Variants in ASIC2 observed in about 807,000 individuals in gnomAD.
ASIC2 encodes the protein acid sensing ion channel subunit 2.
ASIC2 carries 25 observed loss-of-function variants against 57.3 expected under a neutral mutation model. That is an observed-to-expected ratio of 0.44 (90% CI 0.32 to 0.61). The LOEUF is 0.61. Among genes scored for constraint, ASIC2 ranks in the 20% least tolerant of loss-of-function variants. The pLI is 0.06. For synonymous variants in ASIC2, 319 were observed against 307.5 expected (o/e 1.04, Z -0.39); for missense variants, 641 against 738.1 (o/e 0.87, Z 1.52).
chr17:33,422,688 CAG>C (rs1362326513), intron 1 of ASIC2, among the ~76,000 whole-genome samples: 1 of 152,186 alleles, frequency 6.6e-6, no homozygotes, highest in Non-Finnish European at 1.5e-5. Context: ...CCCTTCAACA[CAG>C]AGAGACTTAA....
chr17:34,040,267 G>A (rs1301208614), intron 1 of ASIC2, among the ~76,000 whole-genome samples: 3 of 149,626 alleles, frequency 2.0e-5, no homozygotes, highest in African/African-American at 5.0e-5. Context: ...CGGGGGTGTC[G>A]GAACCGCTGG....
intron 3 of ASIC2, among the ~76,000 whole-genome samples, chr17:33,038,725 AAC>A (rs1382680962): frequency 6.6e-6 from 1 of 152,208 alleles, no homozygotes; most frequent in Non-Finnish European, 1.5e-5. Flanking sequence ...AGCTTCTCTC[AAC>A]AGTCGCCTTC....
chr17:33,378,572 GA>G (rs1470930395), intron 1 of ASIC2, among the ~76,000 whole-genome samples: 18 of 152,240 alleles, frequency 1.2e-4, no homozygotes, highest in African/African-American at 4.3e-4. Context: ...AGTGTGGGTA[GA>G]ATTGCCTCAA....
rs1001258672 is a variant in ASIC2, at chr17:33,505,156, G to A, written c.556-393089C>T. On this transcript the variant is annotated intron_variant, in intron 1 of 9. Transcript: ENST00000359872. ...CAAGGCAGTTCAATATGGTGGGCGG[G>A]GCACGTGAGCAGTAGTCCTAGGCAG... 1.3e-5 allele frequency among the ~76,000 whole-genome samples: 2 copies of A among 151,950 alleles called. 1 individual carries two copies. Among genetic ancestry groups the A allele is most frequent in the South Asian group, 4.2e-4 (2 of 4,798 alleles).
Position 33,633,881 on chromosome 17 carries a change from T to G in ASIC2, c.556-521814A>C, listed in dbSNP as rs568357820. Among the ~76,000 whole-genome samples the G allele has an allele frequency of 3.9e-5, 6 of 152,316 alleles. No individual in the cohort carries two copies. In the East Asian group the frequency reaches 1.2e-3, roughly 29 times the overall value. On this transcript the variant is annotated intron_variant, in intron 1 of 9. Transcript: ENST00000359872. ...CTAGTGACCCTGAGACCCTGCCTCT[T>G]CATGACTCCTAAGCCCATCTTCTGT... is the stretch of plus-strand genomic sequence containing the variant.
intron 1 of ASIC2, among the ~76,000 whole-genome samples, chr17:33,324,553 C>T (rs996897812): frequency 1.3e-5 from 2 of 152,148 alleles, no homozygotes; most frequent in Non-Finnish European, 2.9e-5. Context: ...ATTCCCTAAC[C>T]TACCTAGATC....
At chr17:33,620,240 G>GAAAAAAAAA (rs35560840) in intron 1 of ASIC2, among the ~76,000 whole-genome samples, 37 of 74,824 alleles carry the variant, frequency 4.9e-4, no homozygotes, top group African/African-American at 1.2e-3. Context: ...AGAGGAAAAT[G>GAAAAAAAAA]AAAAAAAAAA....
chr17:33,803,304 A>G (rs889266145), intron 1 of ASIC2, among the ~76,000 whole-genome samples: 2 of 151,828 alleles, frequency 1.3e-5, no homozygotes, highest in African/African-American at 4.8e-5. Flanking sequence ...CTTTAAATGC[A>G]TAAGGAAGGC....
At chr17:33,357,536 G>T (rs1404213662) in intron 1 of ASIC2, among the ~76,000 whole-genome samples, 1 of 152,138 alleles carries the variant, frequency 6.6e-6, no homozygotes, top group East Asian at 1.9e-4. Context: ...CACCCAGCTA[G>T]ACCACCTTTC....
rs186447442 is a variant in ASIC2 at position 33,647,700 on chromosome 17, T to C, written c.555+508278A>G. On this transcript the variant is annotated intron_variant, in intron 1 of 9. Coordinates refer to the ASIC2 transcript ENST00000359872. ...TATCCTTCTCAGTAACTCTAAAGCC[T>C]AGAGAATGACAGACAGAGGATGGGC... Among the ~76,000 whole-genome samples, 10 of 152,320 alleles carry C rather than the reference T, an allele frequency of 6.6e-5. No homozygotes were observed. The South Asian group carries it at 1.0e-3, about 16-fold the overall frequency.
At chr17:34,043,314 T>G (rs1908210279) in intron 1 of ASIC2, among the ~76,000 whole-genome samples, 1 of 152,218 alleles carries the variant, frequency 6.6e-6, no homozygotes, top group Admixed American at 6.5e-5. Flanking sequence ...AGGTTTATTT[T>G]TTAAAGGTTA....
intron 1 of ASIC2, among the ~76,000 whole-genome samples, chr17:33,618,249 T>C (rs1337615087): frequency 6.6e-6 from 1 of 152,052 alleles, no homozygotes; most frequent in Non-Finnish European, 1.5e-5. Context: ...AGACAGAGTC[T>C]TGCTGTGTTG....
intron 1 of ASIC2, among the ~76,000 whole-genome samples, chr17:33,351,040 T>A (rs1467015122): frequency 6.6e-6 from 1 of 152,222 alleles, no homozygotes; most frequent in African/African-American, 2.4e-5. Flanking sequence ...TTCTCCTTGA[T>A]GTTCTTAGTA....
chr17:34,125,029 C>A (rs1315287547), intron 1 of ASIC2, among the ~76,000 whole-genome samples: 1 of 150,668 alleles, frequency 6.6e-6, no homozygotes, highest in Non-Finnish European at 1.5e-5. Flanking sequence ...GCTTGTAGTG[C>A]CTTTCCTTCC....
In ASIC2 at chr17:34,043,917, A is replaced by G. The variant is rs185314194; in HGVS notation, c.555+112061T>C. Among the ~76,000 whole-genome samples, 85 of 152,262 alleles carry G rather than the reference A, an allele frequency of 5.6e-4. 1 individual carries two copies. The highest frequency in any genetic ancestry group is 2.6e-3 in the Admixed American group (40 of 15,304). On this transcript the variant is annotated intron_variant, in intron 1 of 9. Coordinates refer to the ASIC2 transcript ENST00000359872. ...GTCTCCCTCCCTGGCCCAGTCATGAAAGCAAAAATGGGTCAAGTTCTAATT... is the reference window on the plus strand; with the variant it reads ...GTCTCCCTCCCTGGCCCAGTCATGAGAGCAAAAATGGGTCAAGTTCTAATT...
chr17:33,455,069 A>G (rs932823109), intron 1 of ASIC2, among the ~76,000 whole-genome samples: 2 of 152,260 alleles, frequency 1.3e-5, no homozygotes, highest in Admixed American at 6.5e-5. Context: ...CCTCTAACTC[A>G]TAAGCCCTCT....
At chr17:33,359,088 G>A (rs894446437) in intron 1 of ASIC2, among the ~76,000 whole-genome samples, 1 of 152,214 alleles carries the variant, frequency 6.6e-6, no homozygotes, top group South Asian at 2.1e-4. Context: ...GATGACAGTT[G>A]GGAGAGAGAT....
At chr17:34,033,313 C>T (rs1375329797) in intron 1 of ASIC2, among the ~76,000 whole-genome samples, 1 of 151,928 alleles carries the variant, frequency 6.6e-6, no homozygotes, top group Non-Finnish European at 1.5e-5. Flanking sequence ...TCTTTGAAAC[C>T]AACGAGAACA....
intron 1 of ASIC2, among the ~76,000 whole-genome samples, chr17:33,210,323 T>C (rs573165465): frequency 6.6e-6 from 1 of 152,356 alleles, no homozygotes; most frequent in South Asian, 2.1e-4. Flanking sequence ...GAGCTGAGCC[T>C]ACTTCCTCAT....
Sources: allele counts gnomAD v4.1 joint callset (sites outside exome capture counted in the v4.1 genomes callset), GRCh38; gene constraint gnomAD v4.1.1; transcripts MANE v1.5; gene names NCBI Gene and HGNC (gene_info 2026-07-23, HGNC 2026-07-21).